SLC24A3: variants seen among roughly 807,000 people sequenced by gnomAD.
SLC24A3 encodes solute carrier family 24 member 3.
In SLC24A3, 28 loss-of-function variants were observed where a neutral mutation model predicts 75.8. The ratio of observed to expected loss-of-function variants is 0.37; its 90% CI spans 0.27 to 0.51. The LOEUF is 0.51. SLC24A3 is among the 20% of genes least tolerant of loss of function. The pLI is 0.94. For synonymous variants in SLC24A3, 372 were observed against 334.1 expected (o/e 1.11, Z -1.24); for missense variants, 663 against 847.8 (o/e 0.78, Z 2.71).
chr20:19,688,667 T>A (rs2032709258), intron 12 of SLC24A3, among the ~76,000 whole-genome samples: 1 of 152,258 alleles, frequency 6.6e-6, no homozygotes, highest in Non-Finnish European at 1.5e-5. Context: ...TCTCTCATAG[T>A]CATTCTGCAA....
At position 19,714,989 on chromosome 20, in the gene SLC24A3, C is replaced by T. The variant is rs2033029028; in HGVS notation, c.1720-2539C>T. Among the ~76,000 whole-genome samples the T allele has an allele frequency of 2.0e-5, 3 of 152,200 alleles. No individual in the cohort carries two copies. In the South Asian group the frequency reaches 6.2e-4, roughly 32 times the overall value. On this transcript the variant is annotated intron_variant, in intron 15 of 16. Transcript: ENST00000328041. ...CAGAGGGCAAGCTGTGCTGGAAATG[C>T]ATTGCCCCTCTTAGAAGATATCTGT...
chr20:19,499,510 A>G (rs1988352965), intron 2 of SLC24A3, among the ~76,000 whole-genome samples: 1 of 152,298 alleles, frequency 6.6e-6, no homozygotes, highest in African/African-American at 2.4e-5. Context: ...GCTGGAGTGC[A>G]GTGGTTCTAT....
rs6046039 is a variant in SLC24A3, at chr20:19,385,240, C to T, written c.271+104153C>T. On this transcript the variant is annotated intron_variant, in intron 2 of 16. Coordinates refer to ENST00000328041, the MANE Select transcript of SLC24A3 (RefSeq NM_020689.4). Reference sequence around the variant, plus strand: ...CATTGTCCAGACCTATGTCAAGAAGCTTTCACTCTATATTTTCTTCTAGTA... The same window carrying T: ...CATTGTCCAGACCTATGTCAAGAAGTTTTCACTCTATATTTTCTTCTAGTA... Among the ~76,000 whole-genome samples the T allele has an allele frequency of 6.0e-4, 91 of 152,184 alleles. 1 individual carries two copies. The highest frequency in any genetic ancestry group is 2.1e-3 in the African/African-American group (87 of 41,520).
chr20:19,373,484 G>T (rs907830374), intron 2 of SLC24A3, among the ~76,000 whole-genome samples: 2 of 152,182 alleles, frequency 1.3e-5, no homozygotes, highest in African/African-American at 4.8e-5. Flanking sequence ...GCAGATCCTT[G>T]CCATCTCCAT....
chr20:19,245,403 CTG>C (rs1982457458), intron 1 of SLC24A3, among the ~76,000 whole-genome samples: 1 of 152,080 alleles, frequency 6.6e-6, no homozygotes, highest in Admixed American at 6.5e-5. Flanking sequence ...ATATTTCAGA[CTG>C]TATAAATCAA....
intron 2 of SLC24A3, among the ~76,000 whole-genome samples, chr20:19,511,138 C>T: frequency 6.6e-6 from 1 of 151,964 alleles, no homozygotes; most frequent in Non-Finnish European, 1.5e-5. Context: ...TGTGCCAGCC[C>T]CTTCCCCTCC....
chr20:19,674,255 A>C (rs967666230), intron 9 of SLC24A3, among the ~76,000 whole-genome samples: 2 of 152,254 alleles, frequency 1.3e-5, no homozygotes, highest in Non-Finnish European at 2.9e-5. Flanking sequence ...CCACTGCTGC[A>C]TAACAAACCA....
chr20:19,619,768 G>T (rs1330024835), intron 6 of SLC24A3, among the ~76,000 whole-genome samples: 1 of 152,146 alleles, frequency 6.6e-6, no homozygotes, highest in African/African-American at 2.4e-5. Flanking sequence ...ATTAAAAACT[G>T]CCAGAAGGAA....
chr20:19,451,650 G>T (rs1179165357), intron 2 of SLC24A3, among the ~76,000 whole-genome samples: 2 of 152,234 alleles, frequency 1.3e-5, no homozygotes, highest in Non-Finnish European at 1.5e-5. Flanking sequence ...TGCAAAGGCA[G>T]GTAGGACTGG....
intron 4 of SLC24A3, among the ~76,000 whole-genome samples, chr20:19,583,574 G>C (rs1435670462): frequency 2.6e-5 from 4 of 152,128 alleles, no homozygotes; most frequent in African/African-American, 9.7e-5. Context: ...AGATACAGAG[G>C]AAGAAACAAA....
intron 2 of SLC24A3, among the ~76,000 whole-genome samples, chr20:19,434,419 T>A (rs779246566): frequency 6.6e-6 from 1 of 152,198 alleles, no homozygotes; most frequent in Non-Finnish European, 1.5e-5. Context: ...GAAAACGTTC[T>A]TCAGGTGACC....
rs529289123 is a variant in SLC24A3, at chr20:19,520,788, C to G, written c.348+5224C>G. Reference sequence around the variant, plus strand: ...CTCCCCTGGACCCAGGGAATTTTATCTGGTCTGGGAATTGGGGAATCTCAC... The same window carrying G: ...CTCCCCTGGACCCAGGGAATTTTATGTGGTCTGGGAATTGGGGAATCTCAC... On this transcript the variant is annotated intron_variant, in intron 3 of 16. Coordinates refer to ENST00000328041, the MANE Select transcript of SLC24A3 (RefSeq NM_020689.4). Among the ~76,000 whole-genome samples the G allele has an allele frequency of 8.5e-5, 13 of 152,318 alleles. 1 individual carries two copies. In the South Asian group the frequency reaches 2.7e-3, roughly 32 times the overall value.
intron 7 of SLC24A3, among the ~76,000 whole-genome samples, chr20:19,656,435 A>G: frequency 6.6e-6 from 1 of 152,118 alleles, no homozygotes. Context: ...AAGGACATAC[A>G]TGAACTATGT....
intron 2 of SLC24A3, among the ~76,000 whole-genome samples, chr20:19,461,613 A>G (rs1189645444): frequency 7.0e-6 from 1 of 142,384 alleles, no homozygotes; most frequent in Non-Finnish European, 1.5e-5. Flanking sequence ...GCTCACTGCA[A>G]CCTCCACCCC....
intron 2 of SLC24A3, among the ~76,000 whole-genome samples, chr20:19,447,887 G>A (rs1388761772): frequency 6.6e-6 from 1 of 152,212 alleles, no homozygotes; most frequent in East Asian, 1.9e-4. Flanking sequence ...CACAGAGTGG[G>A]TACTTCGTGA....
At chr20:19,216,390 G>A (rs1474069850) in intron 1 of SLC24A3, among the ~76,000 whole-genome samples, 1 of 152,056 alleles carries the variant, frequency 6.6e-6, no homozygotes, top group Non-Finnish European at 1.5e-5. Flanking sequence ...GAGGTCAATA[G>A]TAATTAAGAA....
chr20:19,637,266 A>C (rs1471871354), intron 6 of SLC24A3, among the ~76,000 whole-genome samples: 4 of 152,230 alleles, frequency 2.6e-5, no homozygotes, highest in African/African-American at 9.6e-5. Context: ...GTGCCACTGC[A>C]CTCCAGCCTG....
At chr20:19,541,128 G>A (rs2030488227) in intron 3 of SLC24A3, among the ~76,000 whole-genome samples, 2 of 152,158 alleles carry the variant, frequency 1.3e-5, no homozygotes, top group South Asian at 4.1e-4. Flanking sequence ...CATTTGTAGT[G>A]GACATATTTA....
At chr20:19,490,171 G>A (rs1336386435) in intron 2 of SLC24A3, among the ~76,000 whole-genome samples, 1 of 152,120 alleles carries the variant, frequency 6.6e-6, no homozygotes, top group Non-Finnish European at 1.5e-5. Flanking sequence ...AAGGCCACAT[G>A]TCCTCCCATC....
Sources: allele counts gnomAD v4.1 joint callset (sites outside exome capture counted in the v4.1 genomes callset), GRCh38; gene constraint gnomAD v4.1.1; transcripts MANE v1.5; gene names NCBI Gene and HGNC (gene_info 2026-07-23, HGNC 2026-07-21).